ZNF385D: variants seen among roughly 807,000 people sequenced by gnomAD.
ZNF385D encodes the protein zinc finger protein 385D.
A neutral mutation model predicts 35.8 loss-of-function variants in ZNF385D; 15 were observed. The observed-to-expected ratio is 0.42, with a 90% CI of 0.28 to 0.64. The LOEUF is 0.64. Ranked by LOEUF, ZNF385D falls within the 30% of genes least tolerant of loss-of-function variation. The pLI, the probability that ZNF385D is intolerant of heterozygous loss-of-function variation, is 0.23. For missense variants in ZNF385D, 474 were observed against 494.6 expected, an observed-to-expected ratio of 0.96 and a Z score of 0.39; for synonymous variants, 212 against 186.8, an observed-to-expected ratio of 1.13 and a Z score of -1.10.
At chr3:21,582,226 A>G (rs1315641135) in intron 2 of ZNF385D, among the ~76,000 whole-genome samples, 3 of 152,166 alleles carry the variant, frequency 2.0e-5, no homozygotes, top group Non-Finnish European at 4.4e-5. Flanking sequence ...CAAACTTCTG[A>G]ACTCAATCTA....
At chr3:22,346,322 G>T (rs1385644358) in intron 2 of ZNF385D, among the ~76,000 whole-genome samples, 1 of 152,020 alleles carries the variant, frequency 6.6e-6, no homozygotes, top group African/African-American at 2.4e-5. Flanking sequence ...CGACATATCT[G>T]TTGGGGAAAA....
In ZNF385D at chr3:21,889,863, T is replaced by C. The variant is rs932715114; in HGVS notation, c.326-224835A>G. Among the ~76,000 whole-genome samples, 3 of 152,266 alleles carry C rather than the reference T, an allele frequency of 2.0e-5. 1 individual carries two copies. Among genetic ancestry groups the C allele is most frequent in the Non-Finnish European group, 4.4e-5 (3 of 68,008 alleles). On this transcript the variant is annotated intron_variant, in intron 3 of 5. Coordinates refer to the ZNF385D transcript ENST00000494108. Reference sequence around the variant, plus strand: ...CCTCTGAAGGTGCCACAGAAGAGTCTGTTCCAGGCCTTTTCCTTAGCTTCT... The same window carrying C: ...CCTCTGAAGGTGCCACAGAAGAGTCCGTTCCAGGCCTTTTCCTTAGCTTCT...
intron 2 of ZNF385D, among the ~76,000 whole-genome samples, chr3:22,313,143 G>A (rs554682604): frequency 7.3e-5 from 11 of 151,192 alleles, no homozygotes; most frequent in South Asian, 2.1e-4. Flanking sequence ...GCAAACTATC[G>A]CCAAGGACAA....
intron 2 of ZNF385D, among the ~76,000 whole-genome samples, chr3:22,236,842 G>A (rs558584897): frequency 7.0e-4 from 107 of 152,244 alleles, no homozygotes; most frequent in African/African-American, 2.4e-3. Context: ...TGGACTTAGT[G>A]AATGTAGCAT....
Position 21,488,139 on chromosome 3 carries a change from G to A in ZNF385D, c.439+22722C>T, listed in dbSNP as rs962787021. Among the ~76,000 whole-genome samples the A allele has an allele frequency of 1.6e-4, 25 of 151,816 alleles. 1 individual carries two copies. Among genetic ancestry groups the A allele is most frequent in the African/African-American group, 5.6e-4 (23 of 41,346 alleles). On this transcript the variant is annotated intron_variant, in intron 4 of 7. Coordinates refer to ENST00000281523, the MANE Select transcript of ZNF385D (RefSeq NM_024697.3). ...TTTTTTTTTAACTATTTGAAACAGG[G>A]ATAAAATTATATGTCTCGTTCCTTT... is the stretch of plus-strand genomic sequence containing the variant.
chr3:21,439,810 G>A (rs1206962408), intron 4 of ZNF385D, among the ~76,000 whole-genome samples: 1 of 152,020 alleles, frequency 6.6e-6, no homozygotes, highest in Non-Finnish European at 1.5e-5. Context: ...GGTTAGTGAA[G>A]TATTAACATT....
intron 3 of ZNF385D, among the ~76,000 whole-genome samples, chr3:21,804,132 T>G (rs10513650): frequency 6.6e-6 from 1 of 152,204 alleles, no homozygotes; most frequent in Non-Finnish European, 1.5e-5. Flanking sequence ...GTAAATTTCT[T>G]GTGCATATGT....
rs369669693 is a variant in ZNF385D, at chr3:22,105,871, T to A, written c.325+62946A>T. Reference sequence around the variant, plus strand: ...CCTGGGACCTAGGCATTTTGACATATAAAATTAATCACCAATTAATATAGT... The same window carrying A: ...CCTGGGACCTAGGCATTTTGACATAAAAAATTAATCACCAATTAATATAGT... On this transcript the variant is annotated intron_variant, in intron 3 of 5. Transcript: ENST00000494108. 3.9e-5 allele frequency among the ~76,000 whole-genome samples: 6 copies of A among 152,292 alleles called. 1 individual carries two copies. Among genetic ancestry groups the A allele is most frequent in the African/African-American group, 1.4e-4 (6 of 41,572 alleles).
At chr3:22,198,891 C>T (rs1433610863) in intron 2 of ZNF385D, among the ~76,000 whole-genome samples, 1 of 152,096 alleles carries the variant, frequency 6.6e-6, no homozygotes, top group African/African-American at 2.4e-5. Context: ...TCGTGATACA[C>T]ATTAACTGAA....
rs140631591 is a variant in ZNF385D at position 22,090,739 on chromosome 3, G to A, written c.325+78078C>T. The stretch of plus-strand genomic sequence containing the variant: ...CTTGATACTTGGAAGGGGGACATAC[G>A]TTTGAACCAAATGAAATTGACAACA... On this transcript the variant is annotated intron_variant, in intron 3 of 5. Coordinates refer to the ZNF385D transcript ENST00000494108. Among the ~76,000 whole-genome samples, 363 of 152,226 alleles carry A rather than the reference G, an allele frequency of 2.4e-3. 3 individuals are homozygous for A. Among genetic ancestry groups the A allele is most frequent in the African/African-American group, 7.7e-3 (320 of 41,538 alleles).
chr3:21,951,460 G>A (rs897609797), intron 3 of ZNF385D, among the ~76,000 whole-genome samples: 2 of 151,620 alleles, frequency 1.3e-5, no homozygotes, highest in Admixed American at 1.3e-4. Flanking sequence ...AGACGATCGG[G>A]TATTCTAAAT....
intron 3 of ZNF385D, among the ~76,000 whole-genome samples, chr3:21,820,814 C>T (rs2073364913): frequency 6.7e-6 from 1 of 148,356 alleles, no homozygotes; most frequent in South Asian, 2.2e-4. Context: ...TTGTGTGTGT[C>T]AAGAAAATAA....
chr3:21,846,246 A>G (rs917346031), intron 3 of ZNF385D, among the ~76,000 whole-genome samples: 15 of 152,156 alleles, frequency 9.9e-5, no homozygotes, highest in African/African-American at 3.4e-4. Flanking sequence ...GAATTTCTCT[A>G]GTTGCTCAGT....
intron 4 of ZNF385D, among the ~76,000 whole-genome samples, chr3:21,496,606 T>C (rs1021446877): frequency 1.3e-5 from 2 of 148,430 alleles, no homozygotes; most frequent in Non-Finnish European, 3.0e-5. Flanking sequence ...ATATCTGATA[T>C]ACTTCAGGTC....
intron 3 of ZNF385D, chr3:21,849,611 T>TC (rs1361357198): frequency 5.9e-5 from 8 of 136,332 alleles, no homozygotes; most frequent in African/African-American, 2.2e-4. Context: ...ATTTCTTTTT[T>TC]TTTTTTTTTT....
intron 2 of ZNF385D, among the ~76,000 whole-genome samples, chr3:21,624,964 A>G (rs1575345342): frequency 1.3e-5 from 2 of 152,194 alleles, no homozygotes; most frequent in South Asian, 2.1e-4. Flanking sequence ...TAAAGATTCC[A>G]TAAAAATTGA....
chr3:21,677,337 C>T (rs116318767), intron 1 of ZNF385D, among the ~76,000 whole-genome samples: 3,372 of 152,098 alleles, frequency 0.022, 122 homozygotes, highest in African/African-American at 0.077. Flanking sequence ...CATGTTCTCA[C>T]CCTCTTGTGA....
chr3:21,841,080 G>C (rs1262694733), intron 3 of ZNF385D, among the ~76,000 whole-genome samples: 5 of 151,966 alleles, frequency 3.3e-5, no homozygotes, highest in African/African-American at 1.2e-4. Context: ...AGTTTCATGA[G>C]AAAAGAATCG....
chr3:21,655,308 A>G (rs529570559), intron 2 of ZNF385D, among the ~76,000 whole-genome samples: 1 of 152,118 alleles, frequency 6.6e-6, no homozygotes, highest in African/African-American at 2.4e-5. Flanking sequence ...TTAGGCTGTA[A>G]AGTATTAAAC....
Sources: gnomAD v4.1 joint callset for allele counts (sites outside exome capture counted in the v4.1 genomes callset) on GRCh38, gnomAD v4.1.1 for gene constraint, MANE v1.5 for transcripts, NCBI Gene and HGNC (gene_info 2026-07-23, HGNC 2026-07-21) for gene names.